ZNF587: variants seen among roughly 807,000 people sequenced by gnomAD.
ZNF587 encodes zinc finger protein zfp6.
A neutral mutation model predicts 7.5 loss-of-function variants in ZNF587; 8 were observed. The observed-to-expected ratio is 1.06, with a 90% CI of 0.62 to 1.92. The LOEUF (loss-of-function observed/expected upper bound fraction) is 1.92. ZNF587 is among the 40% of genes most tolerant of loss of function. The pLI is 0.00. For missense variants in ZNF587, 468 were observed against 692.8 expected (o/e 0.68, Z 3.64); for synonymous variants, 145 against 237.8 (o/e 0.61, Z 3.59).
rs2071414553 is a variant in ZNF587, at chr19:57,860,017, C to T, written c.1605C>T (p.Leu535=). Residue 535 remains leucine (L), a synonymous_variant, in exon 3 of 3, where the codon CTC becomes CTT. Transcript: ENST00000339656. ...AATCCTTTTCTGAATGTTCCAGTCT[C>T]ATTAAACACAGGAGAATTCACACTG... ...CGKSFSECSS[L]IKHRRIHTGE... is the part of the protein sequence containing the mutation. 3.1e-6 allele frequency: 5 copies of T among 1,613,702 alleles called. No individual in the cohort carries two copies. In the Admixed American group the frequency reaches 6.7e-5, roughly 22 times the overall value.
intron 1 of ZNF587, chr19:57,850,939 G>C (rs537879442): frequency 4.2e-5 from 7 of 167,650 alleles, no homozygotes; most frequent in Non-Finnish European, 8.9e-5. Flanking sequence ...AACTGAAACG[G>C]GTGGCTGCGG....
Position 57,856,477 on chromosome 19 carries a change from G to A in ZNF587, c.163+244G>A, listed in dbSNP as rs532746603. 8.0e-5 allele frequency among the ~76,000 whole-genome samples: 12 copies of A among 150,662 alleles called. No individual in the cohort carries two copies. In the East Asian group the frequency reaches 1.4e-3, roughly 17 times the overall value. ...GGCTGGAGTACAGCGGCGCCATCTC[G>A]GCTCACTGCAAGCTCCACCTCCCGG... is the stretch of plus-strand genomic sequence containing the variant. On this transcript the variant is annotated intron_variant, in intron 2 of 2. Transcript: ENST00000339656.
rs924549279 is a variant in ZNF587 at position 57,864,507 on chromosome 19, G to A, written c.*4367G>A. ...GCACTTGAGAAATGTGAATAAGATT[G>A]TAAGTTACAAATAGCAAGGTACAGT... On this transcript the variant is annotated 3_prime_UTR_variant, in exon 3 of 3. Transcript: ENST00000339656. The A allele has an allele frequency of 6.6e-6, 1 of 151,968 alleles. No homozygotes were observed. Among genetic ancestry groups the A allele is most frequent in the Non-Finnish European group, 1.5e-5 (1 of 68,016 alleles). 9.4% of individuals were successfully genotyped at this position (151,968 alleles called of 1,614,324 possible). A position where few individuals can be genotyped will look rare whatever the true frequency, so the allele number is the denominator to read the frequency against.
chr19:57,855,983 T>C, intron 1 of ZNF587, 121 bp from the exon 2 acceptor site: 1 of 1,508,040 alleles, frequency 6.6e-7, no homozygotes. Context: ...CCAGTGGATG[T>C]GGTTTCAACT....
chr19:57,855,630 C>A (rs1041143055), intron 1 of ZNF587, among the ~76,000 whole-genome samples: 6 of 146,750 alleles, frequency 4.1e-5, no homozygotes, highest in African/African-American at 1.5e-4. Flanking sequence ...GGTGTGATCT[C>A]GGCTCACTAC....
At chr19:57,851,200 C>G (rs2071276448) in intron 1 of ZNF587, 1 of 152,264 alleles carries the variant, frequency 6.6e-6, no homozygotes, top group Non-Finnish European at 1.5e-5. Context: ...TCTTCAGGAG[C>G]AACTTGGGGA....
In ZNF587 at chr19:57,859,847, G is replaced by GT. The variant is rs867779327; in HGVS notation, c.1436dup (p.Thr480AspfsTer14). ...GAAATTATTTGGCAATAAGCACAGC[G>GT]TGACTATACATCAGAGGATTCACAC... is the stretch of plus-strand genomic sequence containing the variant. On this transcript the variant is annotated frameshift_variant, in exon 3 of 3. Transcript: ENST00000339656. LOFTEE classifies it low-confidence loss of function (END_TRUNC). 5.0e-6 allele frequency: 8 copies of GT among 1,613,924 alleles called. No homozygotes were observed. In the African/African-American group the frequency reaches 6.7e-5, roughly 13 times the overall value.
chr19:57,854,157 T>A (rs972532278), intron 1 of ZNF587: 9 of 152,140 alleles, frequency 5.9e-5, no homozygotes, highest in African/African-American at 1.9e-4. Context: ...GTGAAAAATA[T>A]GCTCATCTGT....
In ZNF587 at chr19:57,849,898, T is replaced by C; in HGVS notation, c.-141T>C. The C allele has an allele frequency of 6.5e-7, 1 of 1,543,596 alleles. No individual in the cohort carries two copies. Among genetic ancestry groups the C allele is most frequent in the South Asian group, 1.2e-5 (1 of 83,080 alleles). ...ATCGGCGATGCGGGTGTTTCCCCAG[T>C]TTGTGGCCCCTGAGTGCTGGGTGGG... On this transcript the variant is annotated 5_prime_UTR_variant, in exon 1 of 3. Coordinates refer to ENST00000339656, the MANE Select transcript of ZNF587 (RefSeq NM_032828.4).
rs1221326750 is a variant in ZNF587, at chr19:57,864,492, A to C, written c.*4352A>C. ...GCACCTAAAGGCATGGCACTTGAGA[A>C]ATGTGAATAAGATTGTAAGTTACAA... On this transcript the variant is annotated 3_prime_UTR_variant, in exon 3 of 3. Transcript: ENST00000339656. The C allele has an allele frequency of 6.6e-6, 1 of 152,076 alleles. No individual in the cohort carries two copies. The highest frequency in any genetic ancestry group is 1.5e-5 in the Non-Finnish European group (1 of 68,022). 9.4% of individuals were successfully genotyped at this position (152,076 alleles called of 1,614,324 possible).
At chr19:57,850,185 CTG>C in intron 1 of ZNF587, 114 bp downstream of exon 1, 2 of 1,592,708 alleles carry the variant, frequency 1.3e-6, no homozygotes, top group Non-Finnish European at 1.7e-6. Context: ...CGTAGGAACA[CTG>C]AGGCGCTCAC....
In ZNF587 at chr19:57,863,153, C is replaced by T. The variant is rs1394714419; in HGVS notation, c.*3013C>T. 6.6e-6 allele frequency: 1 copy of T among 152,198 alleles called. No homozygotes were observed. The highest frequency in any genetic ancestry group is 1.5e-5 in the Non-Finnish European group (1 of 68,066). The allele number at this position is 152,198 out of a possible 1,614,324, so 9.4% of individuals were successfully genotyped here. ...GTTTCTTGAGACAGAGTCTTGCTCT[C>T]TTGCCCAGGTTGGAGTGCCGTGTCG... On this transcript the variant is annotated 3_prime_UTR_variant, in exon 3 of 3. Transcript: ENST00000339656.
Position 57,861,688 on chromosome 19 carries a change from T to TA in ZNF587, c.*1553dup, listed in dbSNP as rs938673131. Reference sequence around the variant, plus strand: ...CTATTTCCCATTTCATTAATATATTTAAAAATAATGAAATAACAAAGACGT... The same window carrying TA: ...CTATTTCCCATTTCATTAATATATTTAAAAAATAATGAAATAACAAAGACGT... On this transcript the variant is annotated 3_prime_UTR_variant, in exon 3 of 3. Coordinates refer to ENST00000339656, the MANE Select transcript of ZNF587 (RefSeq NM_032828.4). 1 of 152,098 alleles carries TA rather than the reference T, an allele frequency of 6.6e-6. No homozygotes were observed. The highest frequency in any genetic ancestry group is 2.4e-5 in the African/African-American group (1 of 41,398). 9.4% of individuals were successfully genotyped at this position (152,098 alleles called of 1,614,324 possible). A position where few individuals can be genotyped will look rare whatever the true frequency, so the allele number is the denominator to read the frequency against.
intron 1 of ZNF587, among the ~76,000 whole-genome samples, chr19:57,854,775 T>C (rs1402351774): frequency 6.6e-6 from 1 of 152,028 alleles, no homozygotes; most frequent in African/African-American, 2.4e-5. Context: ...GTGTGGTGGC[T>C]CACCCCTATA....
At chr19:57,850,942 G>A (rs1568504883) in intron 1 of ZNF587, 1 of 167,608 alleles carries the variant, frequency 6.0e-6, no homozygotes, top group African/African-American at 2.4e-5. Context: ...TGAAACGGGT[G>A]GCTGCGGGTT....
rs141221490 is a variant in ZNF587, at chr19:57,862,408, G to A, written c.*2268G>A. 705 of 152,242 alleles carry A rather than the reference G, an allele frequency of 4.6e-3. 11 individuals are homozygous for A. Among genetic ancestry groups the A allele is most frequent in the Admixed American group, 0.021 (327 of 15,282 alleles). The allele number at this position is 152,242 out of a possible 1,614,324, so 9.4% of individuals were successfully genotyped here. A position where few individuals can be genotyped will look rare whatever the true frequency, so the allele number is the denominator to read the frequency against. On this transcript the variant is annotated 3_prime_UTR_variant, in exon 3 of 3. Transcript: ENST00000339656. Reference sequence around the variant, plus strand: ...ACCCATTGAGATTTATGTGTTCTGAGGCTTTTGTCTTCTAGCTACTTACTT... The same window carrying A: ...ACCCATTGAGATTTATGTGTTCTGAAGCTTTTGTCTTCTAGCTACTTACTT...
At chr19:57,850,149 C>T (rs760425658) in intron 1 of ZNF587, 78 bp downstream of exon 1, 383 of 1,612,796 alleles carry the variant, frequency 2.4e-4, no homozygotes, top group Non-Finnish European at 3.2e-4. Flanking sequence ...GCGGCTCCTG[C>T]TCGTGGGTCT....
chr19:57,853,421 G>A (rs1367944770), intron 1 of ZNF587, among the ~76,000 whole-genome samples: 1 of 152,204 alleles, frequency 6.6e-6, no homozygotes, highest in East Asian at 1.9e-4. Context: ...TCCAATATAT[G>A]AAAGCTAATG....
At position 57,859,639 on chromosome 19, in the gene ZNF587, G is replaced by A. The variant is rs781717710; in HGVS notation, c.1227G>A (p.Glu409=). Residue 409 remains glutamate, a synonymous_variant, in exon 3 of 3, where the codon GAG becomes GAA. Transcript: ENST00000339656. The part of the protein sequence containing the change: ...QRGHTGERPY[E]CKECGKSFRY... ...GTCATACTGGAGAAAGGCCCTATGA[G>A]TGCAAGGAATGTGGGAAATCATTTA... 2.0e-5 allele frequency: 33 copies of A among 1,613,726 alleles called. No individual in the cohort carries two copies. The highest frequency in any genetic ancestry group is 6.7e-5 in the Admixed American group (4 of 59,958).
Sources: allele counts gnomAD v4.1 joint callset (sites outside exome capture counted in the v4.1 genomes callset), GRCh38; gene constraint gnomAD v4.1.1; transcripts MANE v1.5; gene names NCBI Gene and HGNC (gene_info 2026-07-23, HGNC 2026-07-21).